The following PCDH15 variants were observed in gnomAD, a reference collection of about 807,000 sequenced individuals.
PCDH15 encodes the protein protocadherin-15.
PCDH15 carries 129 observed loss-of-function variants against 178.5 expected under a neutral mutation model. The observed-to-expected ratio is 0.72, with a 90% CI of 0.63 to 0.84. The LOEUF (loss-of-function observed/expected upper bound fraction) is 0.84, where lower values mean the gene tolerates loss of function less well. Ranked by LOEUF, PCDH15 falls within the 40% of genes least tolerant of loss-of-function variation. PCDH15 has a pLI of 0.00. For synonymous variants in PCDH15, 800 were observed against 732.0 expected, an observed-to-expected ratio of 1.09 and a Z score of -1.50; for missense variants, 2,230 against 2,099.9, an observed-to-expected ratio of 1.06 and a Z score of -1.21.
At chr10:54,590,220 T>C (rs764896845) in intron 2 of PCDH15, among the ~76,000 whole-genome samples, 1 of 152,204 alleles carries the variant, frequency 6.6e-6, no homozygotes, top group Non-Finnish European at 1.5e-5. Flanking sequence ...AGTGTTATCA[T>C]GCCCATACTA....
At chr10:55,269,393 A>G (rs1842382040) in intron 1 of PCDH15, among the ~76,000 whole-genome samples, 1 of 152,270 alleles carries the variant, frequency 6.6e-6, no homozygotes, top group African/African-American at 2.4e-5. Flanking sequence ...TAATGACCCC[A>G]TCAAAATGCT....
chr10:55,145,759 CA>C (rs943937530), intron 2 of PCDH15, among the ~76,000 whole-genome samples: 10 of 127,722 alleles, frequency 7.8e-5, no homozygotes, highest in Admixed American at 3.5e-4. Flanking sequence ...TAAATCAGAA[CA>C]AAAAAATATT....
chr10:54,501,296 G>A (rs371543402), intron 3 of PCDH15, among the ~76,000 whole-genome samples: 133 of 151,332 alleles, frequency 8.8e-4, no homozygotes, highest in African/African-American at 3.1e-3. Flanking sequence ...ACACTTTCAC[G>A]TTGGATATCC....
intron 3 of PCDH15, among the ~76,000 whole-genome samples, chr10:54,438,326 G>A (rs1408805385): frequency 6.9e-6 from 1 of 145,800 alleles, no homozygotes; most frequent in Non-Finnish European, 1.5e-5. Flanking sequence ...TGAGAGGCAG[G>A]CACCCAAATG....
intron 18 of PCDH15, among the ~76,000 whole-genome samples, chr10:54,062,851 T>A (rs2094059527): frequency 6.6e-6 from 1 of 152,202 alleles, no homozygotes; most frequent in Admixed American, 6.5e-5. Flanking sequence ...TGTGTGTTTT[T>A]AGTTATATAT....
chr10:54,639,170 A>G (rs1810671998), intron 2 of PCDH15, among the ~76,000 whole-genome samples: 1 of 152,146 alleles, frequency 6.6e-6, no homozygotes, highest in Admixed American at 6.6e-5. Context: ...TTGAAATTCC[A>G]AATATATGCT....
intron 2 of PCDH15, among the ~76,000 whole-genome samples, chr10:55,435,399 G>T (rs1283463792): frequency 6.6e-6 from 1 of 152,182 alleles, no homozygotes; most frequent in African/African-American, 2.4e-5. Flanking sequence ...TTTAAAATTA[G>T]CAAATAGTTA....
At chr10:55,069,485 T>G (rs1002443301) in intron 2 of PCDH15, among the ~76,000 whole-genome samples, 1 of 133,036 alleles carries the variant, frequency 7.5e-6, no homozygotes, top group Non-Finnish European at 1.6e-5. Context: ...TGTCCATGTG[T>G]TCTCATTGTT....
intron 14 of PCDH15, among the ~76,000 whole-genome samples, chr10:54,133,666 G>A (rs2042636935): frequency 6.6e-6 from 1 of 151,730 alleles, no homozygotes; most frequent in African/African-American, 2.4e-5. Context: ...TCATTACAAG[G>A]AAAAAAAATT....
At chr10:54,613,381 T>C (rs2093026674) in intron 2 of PCDH15, among the ~76,000 whole-genome samples, 1 of 151,866 alleles carries the variant, frequency 6.6e-6, no homozygotes, top group Non-Finnish European at 1.5e-5. Flanking sequence ...GTCATTGAGT[T>C]ATTAAATTCA....
At chr10:55,078,958 C>T (rs1412289563) in intron 2 of PCDH15, among the ~76,000 whole-genome samples, 1 of 152,134 alleles carries the variant, frequency 6.6e-6, no homozygotes, top group Non-Finnish European at 1.5e-5. Context: ...GAGTTCTTCG[C>T]TTCCAGGATT....
intron 2 of PCDH15, among the ~76,000 whole-genome samples, chr10:54,540,471 A>G (rs112263039): frequency 0.092 from 13,936 of 152,064 alleles, 2,037 homozygotes; most frequent in African/African-American, 0.31. Context: ...AGAAATTAAA[A>G]CCCTGAACAG....
At chr10:55,610,250 T>C (rs970390284) in intron 2 of PCDH15, among the ~76,000 whole-genome samples, 1 of 152,110 alleles carries the variant, frequency 6.6e-6, no homozygotes, top group South Asian at 2.1e-4. Flanking sequence ...GTTTTCAAAC[T>C]AACTTTAATT....
intron 1 of PCDH15, among the ~76,000 whole-genome samples, chr10:55,269,995 G>T (rs1224003609): frequency 1.3e-5 from 2 of 152,088 alleles, no homozygotes; most frequent in African/African-American, 4.8e-5. Flanking sequence ...ACAACTATCA[G>T]ATCTTTCACA....
chr10:53,943,371 G>A (rs907950066), intron 23 of PCDH15, among the ~76,000 whole-genome samples: 2 of 151,946 alleles, frequency 1.3e-5, no homozygotes, highest in Non-Finnish European at 2.9e-5. Context: ...AGCTACTCGG[G>A]AGGATGAGAC....
chr10:54,101,425 T>C (rs1024601526), intron 15 of PCDH15, among the ~76,000 whole-genome samples: 1 of 152,168 alleles, frequency 6.6e-6, no homozygotes, highest in Non-Finnish European at 1.5e-5. Context: ...CACTTTGAGC[T>C]AAAAAAATGA....
chr10:55,275,429 GTTC>G (rs1842565158), intron 1 of PCDH15, among the ~76,000 whole-genome samples: 1 of 151,720 alleles, frequency 6.6e-6, no homozygotes, highest in Non-Finnish European at 1.5e-5. Context: ...GTATCAATTT[GTTC>G]TTCTATAGTG....
At chr10:55,045,102 T>G (rs567970601) in intron 2 of PCDH15, among the ~76,000 whole-genome samples, 1 of 152,246 alleles carries the variant, frequency 6.6e-6, no homozygotes, top group Admixed American at 6.5e-5. Flanking sequence ...CATGCTGCTC[T>G]AAAAACACCA....
At chr10:55,004,718 C>A (rs969334099) in intron 2 of PCDH15, among the ~76,000 whole-genome samples, 5 of 152,148 alleles carry the variant, frequency 3.3e-5, no homozygotes, top group Non-Finnish European at 7.3e-5. Context: ...TCAGCTGTAG[C>A]ACTTGAATAA....
Sources: allele counts gnomAD v4.1 joint callset (sites outside exome capture counted in the v4.1 genomes callset), GRCh38; gene constraint gnomAD v4.1.1; transcripts MANE v1.5; gene names NCBI Gene and HGNC (gene_info 2026-07-23, HGNC 2026-07-21).